The following MAP3K2 variants were observed in gnomAD, a reference collection of about 807,000 sequenced individuals.
MAP3K2 encodes the protein mitogen-activated protein kinase kinase kinase 2.
Under a neutral mutation model 80.3 loss-of-function variants are expected in MAP3K2, and 24 were observed. That is an observed-to-expected ratio of 0.30 (90% confidence interval 0.22 to 0.42). The LOEUF (loss-of-function observed/expected upper bound fraction) is 0.42, where lower values mean the gene tolerates loss of function less well. Among genes scored for constraint, MAP3K2 ranks in the 10% least tolerant of loss-of-function variants. The probability of loss-of-function intolerance (pLI) is 1.00; values close to 1 mark genes in which losing one functional copy is unlikely to be tolerated. For synonymous variants in MAP3K2, 244 were observed against 253.7 expected (o/e 0.96, Z 0.36); for missense variants, 608 against 750.1 (o/e 0.81, Z 2.21).
rs1685546977 is a variant in MAP3K2 at position 127,299,364 on chromosome 2, C to T, written c.*8215G>A. On this transcript the variant is annotated 3_prime_UTR_variant, in exon 17 of 17. Transcript: ENST00000682094. The stretch of plus-strand genomic sequence containing the variant: ...TTCAAAACCAATTTATAGTCAATTA[C>T]AAAGAATCACAATATGCCAATATAT... 1 of 152,116 alleles carries T rather than the reference C, an allele frequency of 6.6e-6. No individual in the cohort carries two copies. Among genetic ancestry groups the T allele is most frequent in the Non-Finnish European group, 1.5e-5 (1 of 67,992 alleles). The allele number at this position is 152,116 out of a possible 1,614,324, so 9.4% of individuals were successfully genotyped here.
In MAP3K2 at chr2:127,331,251, TA is replaced by T. The variant is rs957536770; in HGVS notation, c.265-747del. On this transcript the variant is annotated intron_variant, in intron 5 of 16. Coordinates refer to ENST00000682094, the MANE Select transcript of MAP3K2 (RefSeq NM_001371910.2). ...AAGAAATAAAAATATGTCCTTTTTT[TA>T]AAAAAAAAGTCAATTTAGTAACTTA... Among the ~76,000 whole-genome samples, 355 of 151,668 alleles carry T rather than the reference TA, an allele frequency of 2.3e-3. 1 individual carries two copies. Among genetic ancestry groups the T allele is most frequent in the African/African-American group, 7.8e-3 (321 of 41,398 alleles).
chr2:127,352,226 A>AG (rs1188129818), intron 1 of MAP3K2, among the ~76,000 whole-genome samples: 1 of 152,138 alleles, frequency 6.6e-6, no homozygotes, highest in East Asian at 1.9e-4. Flanking sequence ...GGTTAGATAC[A>AG]GAACACTGCT....
Position 127,304,220 on chromosome 2 carries a change from G to A in MAP3K2, c.*3359C>T, listed in dbSNP as rs1226387155. 4 of 152,000 alleles carry A rather than the reference G, an allele frequency of 2.6e-5. No homozygotes were observed. The highest frequency in any genetic ancestry group is 3.8e-4 in the East Asian group (2 of 5,202). 9.4% of individuals were successfully genotyped at this position (152,000 alleles called of 1,614,324 possible). A position where few individuals can be genotyped will look rare whatever the true frequency, so the allele number is the denominator to read the frequency against. ...TTTTTTTAAGTTAGAAAGATGTTTT[G>A]TAAACAAGGAAAAGTGCTGAAAATT... On this transcript the variant is annotated 3_prime_UTR_variant, in exon 17 of 17. Transcript: ENST00000682094.
Position 127,321,533 on chromosome 2 carries a change from T to G in MAP3K2, c.1045+513A>C, listed in dbSNP as rs1686019838. ...CTTACACAGTAAGGTCTGAATGCTT[T>G]GCAATCCAGCCTGAGTTACCACTGT... is the stretch of plus-strand genomic sequence containing the variant. On this transcript the variant is annotated intron_variant, in intron 12 of 16. Transcript: ENST00000682094. The surrounding 1 kb of genome is among the most constrained non-coding windows in gnomAD (Gnocchi z 4.4). Among the ~76,000 whole-genome samples, 1 of 152,234 alleles carries G rather than the reference T, an allele frequency of 6.6e-6. No homozygotes were observed. The highest frequency in any genetic ancestry group is 1.5e-5 in the Non-Finnish European group (1 of 68,046).
chr2:127,388,282 C>T (rs1187794646), upstream of MAP3K2: 1 of 985,438 alleles, frequency 1.0e-6, no homozygotes, highest in Non-Finnish European at 1.2e-6. Context: ...GTGGCCAGAT[C>T]CCAGACATCC....
At chr2:127,311,235 T>G (rs1388050770) in intron 15 of MAP3K2, among the ~76,000 whole-genome samples, 1 of 152,190 alleles carries the variant, frequency 6.6e-6, no homozygotes, top group Non-Finnish European at 1.5e-5. Context: ...GAAAGAGCAC[T>G]GTCTAACATT....
At chr2:127,354,238 A>AT (rs1351253440) in intron 1 of MAP3K2, among the ~76,000 whole-genome samples, 10 of 110,990 alleles carry the variant, frequency 9.0e-5, no homozygotes, top group Non-Finnish European at 1.7e-4. Context: ...AGAATGATCA[A>AT]TAAAAAAAAA....
chr2:127,383,689 G>A (rs1173092945), intron 1 of MAP3K2, among the ~76,000 whole-genome samples: 3 of 152,236 alleles, frequency 2.0e-5, no homozygotes, highest in Admixed American at 6.5e-5. Context: ...CAGGACAGTG[G>A]CTCATGCCTG....
Position 127,387,520 on chromosome 2 carries a change from CCGCCCCAG to C in MAP3K2, c.-142_-135del. 3 of 985,060 alleles carry C rather than the reference CCGCCCCAG, an allele frequency of 3.0e-6. No homozygotes were observed. The highest frequency in any genetic ancestry group is 3.6e-6 in the Non-Finnish European group (3 of 829,762). 61.0% of individuals were successfully genotyped at this position (985,060 alleles called of 1,614,324 possible). On this transcript the variant is annotated 5_prime_UTR_variant, in exon 1 of 17. Coordinates refer to ENST00000682094, the MANE Select transcript of MAP3K2 (RefSeq NM_001371910.2). ...GGCCGCCCCCGCCGAGCCCGCCCCT[CCGCCCCAG>C]CGCGGCCTGTCACCGCGGCCCCAGG...
At chr2:127,381,808 A>T (rs1227968016) in intron 1 of MAP3K2, among the ~76,000 whole-genome samples, 1 of 152,148 alleles carries the variant, frequency 6.6e-6, no homozygotes, top group Non-Finnish European at 1.5e-5. Context: ...ATCACTTATT[A>T]GGTATTCTTG....
chr2:127,336,419 T>C (rs1166418601), intron 4 of MAP3K2, among the ~76,000 whole-genome samples: 4 of 152,238 alleles, frequency 2.6e-5, no homozygotes, highest in Non-Finnish European at 2.9e-5. Flanking sequence ...ATATATCATG[T>C]AGGCATACTT....
chr2:127,316,179 G>C (rs1446038177), intron 14 of MAP3K2, among the ~76,000 whole-genome samples: 1 of 152,134 alleles, frequency 6.6e-6, no homozygotes, highest in Non-Finnish European at 1.5e-5. Context: ...TTTGAGACCA[G>C]CCTGGCCAAC....
chr2:127,378,807 C>T (rs939467086), intron 1 of MAP3K2, among the ~76,000 whole-genome samples: 1 of 152,018 alleles, frequency 6.6e-6, no homozygotes, highest in African/African-American at 2.4e-5. Flanking sequence ...CACTCTGTTA[C>T]CCAGACCGGA....
At chr2:127,340,594 T>C (rs1382271854) in intron 2 of MAP3K2, among the ~76,000 whole-genome samples, 2 of 151,532 alleles carry the variant, frequency 1.3e-5, no homozygotes, top group Non-Finnish European at 2.9e-5. Context: ...GAGGCAGAGG[T>C]TGCAGCGAGC....
chr2:127,363,229 A>G lies in MAP3K2; in HGVS notation c.-65-20035T>C, dbSNP rs558067230. On this transcript the variant is annotated intron_variant, in intron 1 of 16. Coordinates refer to ENST00000682094, the MANE Select transcript of MAP3K2 (RefSeq NM_001371910.2). ...ATACCAAGGGATGACTGTGTATTAC[A>G]CTGCCTCTCGTTGTTTGTTTATTTT... 3.9e-5 allele frequency among the ~76,000 whole-genome samples: 6 copies of G among 152,158 alleles called. No individual in the cohort carries two copies. The South Asian group carries it at 1.2e-3, about 32-fold the overall frequency.
At chr2:127,342,860 C>A (rs1029400551) in intron 2 of MAP3K2, among the ~76,000 whole-genome samples, 1 of 152,172 alleles carries the variant, frequency 6.6e-6, no homozygotes, top group Non-Finnish European at 1.5e-5. Flanking sequence ...CTCTTGCCAT[C>A]AGACTTTAAG....
intron 14 of MAP3K2, chr2:127,317,047 A>ATCT (rs1685921214): frequency 7.2e-6 from 1 of 138,984 alleles, no homozygotes; most frequent in African/African-American, 2.6e-5. Context: ...ATCCATGAGA[A>ATCT]TTTTTTTTTT....
At position 127,300,693 on chromosome 2, in the gene MAP3K2, T is replaced by C. The variant is rs1225675062; in HGVS notation, c.*6886A>G. 1 of 152,174 alleles carries C rather than the reference T, an allele frequency of 6.6e-6. No individual in the cohort carries two copies. The highest frequency in any genetic ancestry group is 2.4e-5 in the African/African-American group (1 of 41,458). The allele number at this position is 152,174 out of a possible 1,614,324, so 9.4% of individuals were successfully genotyped here. A position where few individuals can be genotyped will look rare whatever the true frequency, so the allele number is the denominator to read the frequency against. The stretch of plus-strand genomic sequence containing the variant: ...CTAATTAAGATTGCATTAAAACAAT[T>C]GTTGGTCTTTAAAGAAGTATTCTTA... On this transcript the variant is annotated 3_prime_UTR_variant, in exon 17 of 17. Coordinates refer to ENST00000682094, the MANE Select transcript of MAP3K2 (RefSeq NM_001371910.2).
intron 1 of MAP3K2, among the ~76,000 whole-genome samples, chr2:127,352,763 G>T (rs921895892): frequency 6.6e-6 from 1 of 151,702 alleles, no homozygotes; most frequent in Non-Finnish European, 1.5e-5. Flanking sequence ...AAGCTGGACT[G>T]TACTGCTGCC....
Sources: gnomAD v4.1 joint callset for allele counts (sites outside exome capture counted in the v4.1 genomes callset) on GRCh38, gnomAD v4.1.1 for gene constraint, Gnocchi (gnomAD v3.1) non-coding constraint, MANE v1.5 for transcripts, NCBI Gene and HGNC (gene_info 2026-07-23, HGNC 2026-07-21) for gene names.